The following PIGB variants were observed in gnomAD, a reference collection of about 807,000 sequenced individuals.
The protein encoded by PIGB is GPI alpha-1,2-mannosyltransferase 3.
PIGB carries 58 observed loss-of-function variants against 68.4 expected under a neutral mutation model. The ratio of observed to expected loss-of-function variants is 0.85; its 90% CI spans 0.69 to 1.06. The LOEUF (loss-of-function observed/expected upper bound fraction) is 1.06. Among genes scored for constraint, PIGB ranks in the 50% least tolerant of loss-of-function variants. The pLI is 0.00. For synonymous variants in PIGB, 219 were observed against 220.5 expected (o/e 0.99, Z 0.06); for missense variants, 634 against 655.8 (o/e 0.97, Z 0.36).
chr15:55,342,650 C>T (rs1029367220), intron 9 of PIGB, among the ~76,000 whole-genome samples: 1 of 152,246 alleles, frequency 6.6e-6, no homozygotes. Context: ...CCTCAGCCTC[C>T]CAAAAGTGCT....
Position 55,339,285 on chromosome 15 carries a change from G to A in PIGB, c.813G>A (p.Leu271=). ...FLPVGFVTLS[L]SLMIDRIFFG... is the part of the protein sequence containing the mutation. ...TTTTCAGCTTTGTTACTTTGAGTTTGTCTCTGATGATTGATCGTATTTTTT... is the reference window on the plus strand; with the variant it reads ...TTTTCAGCTTTGTTACTTTGAGTTTATCTCTGATGATTGATCGTATTTTTT... Residue 271 remains leucine (L), a synonymous_variant, in exon 7 of 12, where the codon TTG becomes TTA. Transcript: ENST00000164305. 6.4e-7 allele frequency: 1 copy of A among 1,552,670 alleles called. No individual in the cohort carries two copies. Among genetic ancestry groups the A allele is most frequent in the Non-Finnish European group, 8.7e-7 (1 of 1,147,350 alleles).
chr15:55,348,051 C>T (rs1180492225), intron 9 of PIGB, among the ~76,000 whole-genome samples: 8 of 145,942 alleles, frequency 5.5e-5, no homozygotes, highest in African/African-American at 2.5e-5. Context: ...TGCAGTGGCA[C>T]GATCTCAGCT....
At position 55,319,261 on chromosome 15, in the gene PIGB, C is replaced by G; in HGVS notation, c.11C>G (p.Pro4Arg). The G allele has an allele frequency of 6.2e-7, 1 of 1,606,544 alleles. No individual in the cohort carries two copies. The highest frequency in any genetic ancestry group is 8.5e-7 in the Non-Finnish European group (1 of 1,177,126). The change falls in exon 1 of 12, where the codon CCC (proline) becomes CGC (arginine). Residue 4 changes from proline (P) to arginine (R), a missense_variant. Transcript: ENST00000164305. ...AGGTGGCGGCCAGGGATGAGGAGGC[C>G]CCTAAGCAAGTGCGGAATGGAGCCG... MRR[P>R]LSKCGMEPGG...
At chr15:55,349,370 A>C (rs1317553832) in intron 9 of PIGB, 1 of 149,936 alleles carries the variant, frequency 6.7e-6, no homozygotes. Flanking sequence ...TTTTAAATGG[A>C]GTCTCACTAT....
chr15:55,326,964 G>T (rs779171524), intron 3 of PIGB, among the ~76,000 whole-genome samples: 11 of 152,090 alleles, frequency 7.2e-5, no homozygotes, highest in Non-Finnish European at 1.5e-4. Flanking sequence ...CAAGGTGGAA[G>T]TATCATTTGA....
intron 6 of PIGB, among the ~76,000 whole-genome samples, chr15:55,336,077 G>T (rs760550463): frequency 5.9e-5 from 9 of 152,056 alleles, no homozygotes; most frequent in Admixed American, 1.3e-4. Flanking sequence ...CTTGACTCAG[G>T]GTTACATCTT....
intron 8 of PIGB, 105 bp downstream of exon 8, chr15:55,340,928 T>G: frequency 1.4e-6 from 1 of 695,592 alleles, no homozygotes; most frequent in Non-Finnish European, 2.4e-6. Flanking sequence ...CCATTAACTT[T>G]TGTTAGTGGG....
intron 3 of PIGB, chr15:55,324,879 T>C (rs1196248556): frequency 3.6e-6 from 3 of 841,670 alleles, no homozygotes; most frequent in Admixed American, 1.2e-4. Context: ...GGGCACAGTT[T>C]ATGTGAAATT....
chr15:55,338,067 G>A (rs1043339275), intron 6 of PIGB, among the ~76,000 whole-genome samples: 8 of 152,172 alleles, frequency 5.3e-5, no homozygotes, highest in African/African-American at 1.9e-4. Context: ...TGATTGGAGG[G>A]ACAAGGTGGT....
rs1852466853 is a variant in PIGB at position 55,340,879 on chromosome 15, T to C, written c.1058+56T>C. On this transcript the variant is annotated intron_variant, in intron 8 of 11. Transcript: ENST00000164305. ...TTTTTTATGTTACCAAGAAATCAAA[T>C]TAAATTCTTCAAAAAGTAAACTTTA... is the stretch of plus-strand genomic sequence containing the variant. The C allele has an allele frequency of 7.9e-6, 9 of 1,145,108 alleles. No individual in the cohort carries two copies. The East Asian group carries it at 2.3e-4, about 29-fold the overall frequency. The allele number at this position is 1,145,108 out of a possible 1,614,324, so 70.9% of individuals were successfully genotyped here. A position where few individuals can be genotyped will look rare whatever the true frequency, so the allele number is the denominator to read the frequency against.
intron 4 of PIGB, 120 bp from the exon 5 acceptor site, chr15:55,329,603 CA>C (rs1279987058): frequency 2.2e-5 from 17 of 782,916 alleles, no homozygotes; most frequent in Non-Finnish European, 3.0e-5. Flanking sequence ...CTTACTTTAA[CA>C]TCATCTACCT....
chr15:55,348,933 G>T (rs928164758), intron 9 of PIGB, among the ~76,000 whole-genome samples: 1 of 152,146 alleles, frequency 6.6e-6, no homozygotes, highest in Admixed American at 6.6e-5. Context: ...ACAGATGGTT[G>T]AACTTTTAGA....
intron 7 of PIGB, among the ~76,000 whole-genome samples, chr15:55,339,760 G>T (rs1354388671): frequency 2.0e-5 from 3 of 152,154 alleles, no homozygotes; most frequent in African/African-American, 4.8e-5. Context: ...AAATAACTCA[G>T]GAATGGAAAG....
chr15:55,336,721 C>T (rs2055544412), intron 6 of PIGB, among the ~76,000 whole-genome samples: 2 of 152,218 alleles, frequency 1.3e-5, no homozygotes, highest in Non-Finnish European at 2.9e-5. Context: ...GGCACGATGG[C>T]TCACGCCTAT....
At chr15:55,320,012 C>T (rs2055126222) in intron 1 of PIGB, 1 of 272,652 alleles carries the variant, frequency 3.7e-6, no homozygotes, top group South Asian at 8.8e-5. Context: ...TTAACCCACT[C>T]TTTTTTTTTT....
rs1233370099 is a variant in PIGB at position 55,327,595 on chromosome 15, T to C, written c.482T>C (p.Leu161Ser). The change falls in exon 4 of 12, where the codon TTA (leucine) becomes TCA (serine). Residue 161 changes from leucine (L) to serine (S), a missense_variant. Leu to Ser is a moderately radical substitution (Grantham distance 145, BLOSUM62 -2). Transcript: ENST00000164305. ...SAVADVRLYS[L>S]MKQLENQEVA... is the part of the protein sequence containing the mutation. ...GTAGCAGATGTGAGACTTTACTCATTAATGAAGCAACTAGAAAATCAGGAA... is the reference window on the plus strand; with the variant it reads ...GTAGCAGATGTGAGACTTTACTCATCAATGAAGCAACTAGAAAATCAGGAA... 2 of 1,611,990 alleles carry C rather than the reference T, an allele frequency of 1.2e-6. No individual in the cohort carries two copies. The highest frequency in any genetic ancestry group is 2.7e-5 in the African/African-American group (2 of 74,970).
At chr15:55,347,305 A>T (rs1418000800) in intron 9 of PIGB, among the ~76,000 whole-genome samples, 1 of 152,204 alleles carries the variant, frequency 6.6e-6, no homozygotes, top group Non-Finnish European at 1.5e-5. Context: ...AGGCACCTGT[A>T]ATCCCAGCTA....
At chr15:55,324,447 T>C (rs1182082240) in intron 3 of PIGB, among the ~76,000 whole-genome samples, 1 of 152,216 alleles carries the variant, frequency 6.6e-6, no homozygotes, top group Non-Finnish European at 1.5e-5. Flanking sequence ...CTTATTGTTA[T>C]GCGAAAGTCT....
chr15:55,321,464 G>T, intron 3 of PIGB, 74 bp downstream of exon 3: 1 of 1,272,224 alleles, frequency 7.9e-7, no homozygotes. Context: ...TGTTGCTGAA[G>T]TCCAGCCATA....
Sources: gnomAD v4.1 joint callset for allele counts (sites outside exome capture counted in the v4.1 genomes callset) on GRCh38, gnomAD v4.1.1 for gene constraint, MANE v1.5 for transcripts, NCBI Gene and HGNC (gene_info 2026-07-23, HGNC 2026-07-21) for gene names.